The following AEBP2 variants were observed in gnomAD, a reference collection of about 807,000 sequenced individuals.
AEBP2 encodes the protein AE binding protein 2.
Under a neutral mutation model 50.8 loss-of-function variants are expected in AEBP2, and 10 were observed. The ratio of observed to expected loss-of-function variants is 0.20; its 90% CI spans 0.12 to 0.33. AEBP2 has a LOEUF of 0.33. AEBP2 is among the 10% of genes least tolerant of loss of function. AEBP2 has a pLI of 1.00. For synonymous variants in AEBP2, 296 were observed against 261.3 expected (o/e 1.13, Z -1.28); for missense variants, 570 against 688.0 (o/e 0.83, Z 1.92).
intron 1 of AEBP2, among the ~76,000 whole-genome samples, chr12:19,443,196 A>C (rs1947994587): frequency 6.6e-6 from 1 of 151,562 alleles, no homozygotes; most frequent in African/African-American, 2.4e-5. Context: ...TTGTGGGTTC[A>C]AGCGATTCTC....
In AEBP2 at chr12:19,493,835, T is replaced by G. The variant is rs192274870; in HGVS notation, c.1023T>G (p.Ser341=). The change falls in exon 4 of 8, where the codon TCT becomes TCG. Residue 341 remains serine, a synonymous_variant. Coordinates refer to ENST00000266508, the MANE Select transcript of AEBP2 (RefSeq NM_153207.5). ...VVGGCNASFA[S]QGGLARHVPT... is the part of the protein sequence containing the mutation. The stretch of plus-strand genomic sequence containing the variant: ...GTGGCTGCAATGCCAGCTTTGCTTC[T>G]CAGGGAGGGCTAGCTCGTCATGTAC... 5.0e-6 allele frequency: 8 copies of G among 1,613,802 alleles called. No individual in the cohort carries two copies. The highest frequency in any genetic ancestry group is 6.8e-6 in the Non-Finnish European group (8 of 1,179,820).
intron 6 of AEBP2, among the ~76,000 whole-genome samples, chr12:19,514,261 A>G (rs1455079483): frequency 6.6e-6 from 1 of 152,054 alleles, no homozygotes; most frequent in African/African-American, 2.4e-5. Flanking sequence ...TGGCCTCCCA[A>G]AGTGCTGGAA....
At position 19,518,903 on chromosome 12, in the gene AEBP2, A is replaced by G. The variant is rs1413506487; in HGVS notation, c.*786A>G. Reference sequence around the variant, plus strand: ...CGGTTTTTGAAAAACCTTTCAAATTATTTGAATAATCTTCATATTTTCATT... The same window carrying G: ...CGGTTTTTGAAAAACCTTTCAAATTGTTTGAATAATCTTCATATTTTCATT... On this transcript the variant is annotated 3_prime_UTR_variant, in exon 8 of 8. Transcript: ENST00000266508. The G allele has an allele frequency of 1.3e-5, 5 of 382,400 alleles. No individual in the cohort carries two copies. Among genetic ancestry groups the G allele is most frequent in the African/African-American group, 2.1e-5 (1 of 48,002 alleles). 23.7% of individuals were successfully genotyped at this position (382,400 alleles called of 1,614,324 possible).
At chr12:19,442,008 T>C (rs1197999529) in intron 1 of AEBP2, among the ~76,000 whole-genome samples, 1 of 152,130 alleles carries the variant, frequency 6.6e-6, no homozygotes, top group Non-Finnish European at 1.5e-5. Flanking sequence ...GCAAGTTGAG[T>C]ATCTTACTCA....
intron 1 of AEBP2, among the ~76,000 whole-genome samples, chr12:19,406,484 G>A (rs1414110882): frequency 6.6e-6 from 1 of 151,988 alleles, no homozygotes. Context: ...TTCGAGATCA[G>A]CCTGACCAAT....
chr12:19,462,613 A>G lies in AEBP2; in HGVS notation c.775A>G (p.Ile259Val). 6.2e-7 allele frequency: 1 copy of G among 1,613,986 alleles called. No individual in the cohort carries two copies. The highest frequency in any genetic ancestry group is 1.1e-5 in the South Asian group (1 of 91,066). ...QGSTTSSSKN[I>V]AYNCCWDQCQ... ...AAGCACTACTTCTTCAAGCAAAAAT[A>G]TTGCCTATAATTGTTGTTGGGACCA... Residue 259 changes from isoleucine (I) to valine (V), a missense_variant, in exon 2 of 8, where the codon ATT (isoleucine) becomes GTT (valine). Coordinates refer to ENST00000266508, the MANE Select transcript of AEBP2 (RefSeq NM_153207.5).
At chr12:19,428,413 C>A (rs2095749693) in intron 1 of AEBP2, among the ~76,000 whole-genome samples, 1 of 152,178 alleles carries the variant, frequency 6.6e-6, no homozygotes, top group Non-Finnish European at 1.5e-5. Flanking sequence ...GGTTGCTTCA[C>A]CTTCACCATC....
chr12:19,490,537 C>T (rs536428756), intron 3 of AEBP2, among the ~76,000 whole-genome samples: 112 of 150,306 alleles, frequency 7.5e-4, no homozygotes, highest in African/African-American at 2.5e-3. Flanking sequence ...CCACCATGCC[C>T]GGCTAATTTT....
intron 1 of AEBP2, among the ~76,000 whole-genome samples, chr12:19,442,889 A>G (rs997117420): frequency 6.6e-6 from 1 of 152,200 alleles, no homozygotes; most frequent in Non-Finnish European, 1.5e-5. Context: ...TGTGGATTTT[A>G]TAGGTTGATT....
intron 1 of AEBP2, chr12:19,440,681 C>G (rs940058572): frequency 1.3e-6 from 2 of 1,533,208 alleles, no homozygotes; most frequent in Non-Finnish European, 1.7e-6. Context: ...CCCAGATCCT[C>G]TGGCGGAGCA....
intron 1 of AEBP2, among the ~76,000 whole-genome samples, chr12:19,430,162 A>G (rs374012994): frequency 2.6e-5 from 4 of 152,256 alleles, no homozygotes; most frequent in East Asian, 3.9e-4. Flanking sequence ...TATAAGGTGT[A>G]AGGAAGGGAT....
chr12:19,444,391 G>T (rs1226360775), intron 1 of AEBP2, among the ~76,000 whole-genome samples: 1 of 152,164 alleles, frequency 6.6e-6, no homozygotes, highest in African/African-American at 2.4e-5. Context: ...TAAAATGCCC[G>T]TGGAGTTAGT....
At chr12:19,506,091 A>C (rs1230303568) in intron 5 of AEBP2, among the ~76,000 whole-genome samples, 1 of 148,952 alleles carries the variant, frequency 6.7e-6, no homozygotes, top group East Asian at 2.0e-4. Context: ...CTAGTTTTTA[A>C]AATAATATAT....
chr12:19,502,704 A>AATGGC (rs1319889525), intron 5 of AEBP2, among the ~76,000 whole-genome samples: 7 of 150,364 alleles, frequency 4.7e-5, no homozygotes, highest in African/African-American at 1.7e-4. Flanking sequence ...GCTGGAGTGC[A>AATGGC]ATGGCATGAT....
intron 1 of AEBP2, chr12:19,456,369 C>T: frequency 7.3e-7 from 1 of 1,378,462 alleles, no homozygotes; most frequent in South Asian, 1.2e-5. Context: ...AGCAGCGCGA[C>T]CCAGAGGTGG....
chr12:19,512,151 A>G (rs1949242411), intron 5 of AEBP2, among the ~76,000 whole-genome samples: 6 of 151,930 alleles, frequency 3.9e-5, no homozygotes, highest in Admixed American at 3.9e-4. Context: ...CCTCCTGAGT[A>G]GCTGGGACTG....
At chr12:19,433,123 C>T (rs903031264) in intron 1 of AEBP2, among the ~76,000 whole-genome samples, 3 of 152,150 alleles carry the variant, frequency 2.0e-5, no homozygotes, top group Non-Finnish European at 4.4e-5. Context: ...CAGTGGCTCA[C>T]GCCTATAATC....
chr12:19,425,564 G>A (rs2095748102), intron 1 of AEBP2, among the ~76,000 whole-genome samples: 1 of 151,970 alleles, frequency 6.6e-6, no homozygotes, highest in African/African-American at 2.4e-5. Flanking sequence ...TCAGGAGTTT[G>A]AGAGTTCGAG....
At chr12:19,473,400 T>A (rs71530937) in intron 3 of AEBP2, 45 bp downstream of exon 3, 91,356 of 619,570 alleles carry the variant, frequency 0.15, 11,281 homozygotes, top group African/African-American at 0.37. Context: ...TTTATTTATT[T>A]ATTTATTTAT....
Sources: gnomAD v4.1 joint callset for allele counts (sites outside exome capture counted in the v4.1 genomes callset) on GRCh38, gnomAD v4.1.1 for gene constraint, MANE v1.5 for transcripts, NCBI Gene and HGNC (gene_info 2026-07-23, HGNC 2026-07-21) for gene names.